Variants in SLC9A3 observed in about 807,000 individuals in gnomAD.
The protein encoded by SLC9A3 is solute carrier family 9 member A3, also known as sodium/hydrogen exchanger 3.
SLC9A3 carries 37 observed loss-of-function variants against 86.8 expected under a neutral mutation model. The ratio of observed to expected loss-of-function variants is 0.43; its 90% confidence interval spans 0.33 to 0.56. SLC9A3 has a LOEUF of 0.56. Ranked by LOEUF, SLC9A3 falls within the 20% of genes least tolerant of loss-of-function variation. The pLI is 0.06. For missense variants in SLC9A3, 1,011 were observed against 1,171.9 expected, an observed-to-expected ratio of 0.86 and a Z score of 2.00; for synonymous variants, 581 against 528.3, an observed-to-expected ratio of 1.10 and a Z score of -1.37.
chr5:475,782 A>C, intron 14 of SLC9A3, 111 bp from the exon 15 acceptor site: 3 of 728,894 alleles, frequency 4.1e-6, no homozygotes, highest in Non-Finnish European at 7.1e-6. Flanking sequence ...GTCGGGACCC[A>C]CAGAGAGGAG....
At chr5:509,531 G>A (rs1319630784) in intron 1 of SLC9A3, among the ~76,000 whole-genome samples, 3 of 151,558 alleles carry the variant, frequency 2.0e-5, no homozygotes, top group Non-Finnish European at 4.4e-5. Context: ...AGGAAGGAAG[G>A]GTTTGAGGGC....
Position 488,327 on chromosome 5 carries a change from C to T in SLC9A3, c.664G>A (p.Ala222Thr), listed in dbSNP as rs1305643927. The change falls in exon 3 of 17, where the codon GCA becomes ACA. Residue 222 changes from alanine (A) to threonine (T), a missense_variant. Around this residue, in one of 3 missense-constraint regions of SLC9A3, gnomAD observed 565 missense variants for 790.0 expected, o/e 0.72. Transcript: ENST00000264938. ...IVFGESLLND[A>T]VTVVLYNVFE... ...GCTCCGTTGCTCACCACGGTGACTG[C>T]GTCGTTCAGCAGCGACTCCCCGAAG... The T allele has an allele frequency of 1.9e-6, 3 of 1,612,584 alleles. No individual in the cohort carries two copies. Among genetic ancestry groups the T allele is most frequent in the Non-Finnish European group, 2.5e-6 (3 of 1,179,826 alleles).
chr5:502,183 G>C (rs1368308663), intron 1 of SLC9A3, among the ~76,000 whole-genome samples: 1 of 152,212 alleles, frequency 6.6e-6, no homozygotes, highest in Non-Finnish European at 1.5e-5. Context: ...AACCGCGCTG[G>C]GGCAAAATGA....
chr5:509,874 C>T (rs900908770), intron 1 of SLC9A3, among the ~76,000 whole-genome samples: 2 of 152,208 alleles, frequency 1.3e-5, no homozygotes, highest in Non-Finnish European at 2.9e-5. Flanking sequence ...TCCCGCGGCG[C>T]GAATCAAGCA....
chr5:514,812 C>G (rs1733675575), intron 1 of SLC9A3, among the ~76,000 whole-genome samples: 1 of 152,248 alleles, frequency 6.6e-6, no homozygotes, highest in African/African-American at 2.4e-5. Flanking sequence ...GGCATGACAG[C>G]TCAGCAGGCG....
intron 1 of SLC9A3, among the ~76,000 whole-genome samples, chr5:511,800 C>T (rs529565320): frequency 1.1e-4 from 16 of 152,280 alleles, no homozygotes; most frequent in Admixed American, 2.0e-4. Flanking sequence ...TGAAATCCTC[C>T]GTCTACACAA....
In SLC9A3 at chr5:488,426, C is replaced by A. The variant is rs747113445; in HGVS notation, c.565G>T (p.Ala189Ser). The change falls in exon 3 of 17, where the codon GCG becomes TCG. Residue 189 changes from alanine to serine, a missense_variant. This residue lies in a region of SLC9A3 where 565 missense variants were observed against 790.0 expected (regional missense o/e 0.72). Coordinates refer to ENST00000264938, the MANE Select transcript of SLC9A3 (RefSeq NM_004174.4). ...AGGACGGCCACCGGGTCCACAGCCGCCATGAGGCTGCCAAACAGGAGGAAG... is the reference window on the plus strand; with the variant it reads ...AGGACGGCCACCGGGTCCACAGCCGACATGAGGCTGCCAAACAGGAGGAAG... ...LDFLLFGSLMAAVDPVAVLAV... is the reference protein window; with the variant it reads ...LDFLLFGSLMSAVDPVAVLAV... The A allele has an allele frequency of 2.7e-5, 44 of 1,600,092 alleles. No homozygotes were observed. Among genetic ancestry groups the A allele is most frequent in the Non-Finnish European group, 3.8e-5 (44 of 1,171,552 alleles).
Position 477,438 on chromosome 5 carries a change from G to T in SLC9A3, c.1654C>A (p.Arg552Ser). 1 of 1,610,802 alleles carries T rather than the reference G, an allele frequency of 6.2e-7. No homozygotes were observed. Among genetic ancestry groups the T allele is most frequent in the African/African-American group, 1.3e-5 (1 of 74,952 alleles). The change falls in exon 11 of 17, where the codon CGC becomes AGC. Residue 552 changes from arginine to serine, a missense_variant. Arg to Ser is a moderately radical substitution (Grantham distance 110). Coordinates refer to ENST00000264938, the MANE Select transcript of SLC9A3 (RefSeq NM_004174.4). Reference protein sequence around the residue: ...DAISYVAEGERRGSLAFIRSP... With the variant: ...DAISYVAEGESRGSLAFIRSP... ...CGGATGAAGGCCAGGGACCCGCGGC[G>T]CTCTCCCTGTGGTCAGGAAGCAGCC...
chr5:481,081 G>C (rs1465330874), intron 9 of SLC9A3, among the ~76,000 whole-genome samples: 1 of 152,112 alleles, frequency 6.6e-6, no homozygotes, highest in African/African-American at 2.4e-5. Flanking sequence ...GTAGAGACGG[G>C]GTTTCACCAT....
intron 11 of SLC9A3, 106 bp downstream of exon 11, chr5:477,226 C>T (rs1469697124): frequency 4.0e-6 from 3 of 755,590 alleles, no homozygotes; most frequent in Non-Finnish European, 6.6e-6. Flanking sequence ...CCTCTCCCCT[C>T]TTCCATGCCA....
rs910339014 is a variant in SLC9A3, at chr5:471,561, G to A, written c.*1818C>T. 7 of 356,596 alleles carry A rather than the reference G, an allele frequency of 2.0e-5. No homozygotes were observed. Among genetic ancestry groups the A allele is most frequent in the East Asian group, 7.3e-5 (1 of 13,694 alleles). 22.1% of individuals were successfully genotyped at this position (356,596 alleles called of 1,614,324 possible). The stretch of plus-strand genomic sequence containing the variant: ...CAGGCCCCGGCCTGCTCCGATGAAC[G>A]TCAGGACGGTGGCTGCAGCAGGGAA... On this transcript the variant is annotated 3_prime_UTR_variant, in exon 17 of 17. Coordinates refer to ENST00000264938, the MANE Select transcript of SLC9A3 (RefSeq NM_004174.4).
At chr5:476,913 T>TTCCTTACTGGTCCCTC in intron 11 of SLC9A3, among the ~76,000 whole-genome samples, 1 of 152,342 alleles carries the variant, frequency 6.6e-6, no homozygotes, top group South Asian at 2.1e-4. Flanking sequence ...GTGGGTCCCT[T>TTCCTTACTGGTCCCTC]TCCTTACTGG....
At chr5:498,931 G>C (rs1171416856) in intron 1 of SLC9A3, among the ~76,000 whole-genome samples, 1 of 152,164 alleles carries the variant, frequency 6.6e-6, no homozygotes, top group Non-Finnish European at 1.5e-5. Flanking sequence ...CCCCAGCCAG[G>C]GTGGGGGGTC....
rs1024234444 is a variant in SLC9A3, at chr5:488,328, G to A, written c.663C>T (p.Asp221=). ...CTCCGTTGCTCACCACGGTGACTGC[G>A]TCGTTCAGCAGCGACTCCCCGAAGA... The part of the protein sequence containing the change: ...IIVFGESLLN[D]AVTVVLYNVF... Residue 221 remains aspartate (D), a synonymous_variant, in exon 3 of 17, where the codon GAC becomes GAT. Coordinates refer to ENST00000264938, the MANE Select transcript of SLC9A3 (RefSeq NM_004174.4). 1.1e-5 allele frequency: 17 copies of A among 1,612,650 alleles called. No individual in the cohort carries two copies. The highest frequency in any genetic ancestry group is 5.0e-5 in the Admixed American group (3 of 60,022).
chr5:510,752 G>A (rs1740839696), intron 1 of SLC9A3, among the ~76,000 whole-genome samples: 1 of 152,190 alleles, frequency 6.6e-6, no homozygotes, highest in Admixed American at 6.5e-5. Context: ...TCCTGCGGGG[G>A]GAAGGCGAGG....
At chr5:507,549 G>A (rs1267290768) in intron 1 of SLC9A3, among the ~76,000 whole-genome samples, 4 of 151,732 alleles carry the variant, frequency 2.6e-5, no homozygotes, top group Admixed American at 1.3e-4. Flanking sequence ...ACAGGTGTGA[G>A]CCACCGCGCC....
At chr5:481,893 C>T (rs1490116573) in intron 8 of SLC9A3, among the ~76,000 whole-genome samples, 175 bp downstream of exon 8, 3 of 39,978 alleles carry the variant, frequency 7.5e-5, no homozygotes, top group South Asian at 1.9e-3. Context: ...CCCCCCCCCG[C>T]CCCCCAGCCC....
intron 16 of SLC9A3, 60 bp from the exon 17 acceptor site, chr5:473,442 T>TC (rs1021117075): frequency 8.4e-6 from 11 of 1,312,594 alleles, no homozygotes; most frequent in Non-Finnish European, 1.1e-5. Flanking sequence ...GGGAGGGGCG[T>TC]CCCCGGGGGC....
intron 1 of SLC9A3, among the ~76,000 whole-genome samples, chr5:492,769 G>C (rs1228413582): frequency 6.6e-6 from 1 of 152,162 alleles, no homozygotes; most frequent in Admixed American, 6.5e-5. Context: ...AGCTCACCCT[G>C]TCCCTGACGT....
Sources: gnomAD v4.1 joint callset for allele counts (sites outside exome capture counted in the v4.1 genomes callset) on GRCh38, gnomAD v4.1.1 for gene constraint, gnomAD v4.1.1 regional missense constraint, MANE v1.5 for transcripts, NCBI Gene and HGNC (gene_info 2026-07-23, HGNC 2026-07-21) for gene names.